The following THRB variants were observed in gnomAD, a reference collection of about 807,000 sequenced individuals.
THRB encodes nuclear receptor subfamily 1 group A member 2.
THRB carries 12 observed loss-of-function variants against 47.8 expected under a neutral mutation model. The ratio of observed to expected loss-of-function variants is 0.25; its 90% CI spans 0.16 to 0.41. THRB has a LOEUF of 0.41. Among genes scored for constraint, THRB ranks in the 10% least tolerant of loss-of-function variants. The probability of loss-of-function intolerance (pLI) is 1.00; values close to 1 mark genes in which losing one functional copy is unlikely to be tolerated. For synonymous variants in THRB, 218 were observed against 212.2 expected, an observed-to-expected ratio of 1.03 and a Z score of -0.24; for missense variants, 348 against 589.2, an observed-to-expected ratio of 0.59 and a Z score of 4.24.
chr3:24,203,945 A>G (rs2044943755), intron 4 of THRB, among the ~76,000 whole-genome samples: 1 of 152,254 alleles, frequency 6.6e-6, no homozygotes, highest in Non-Finnish European at 1.5e-5. Context: ...GCAAGGTGGC[A>G]GCAAGGCTGG....
At chr3:24,326,555 G>A (rs1023839636) in intron 2 of THRB, among the ~76,000 whole-genome samples, 7 of 151,974 alleles carry the variant, frequency 4.6e-5, no homozygotes, top group African/African-American at 1.7e-4. Flanking sequence ...TTTCTTAAGG[G>A]AATTGGCTGT....
At chr3:24,418,317 AC>A (rs1213472730) in intron 1 of THRB, among the ~76,000 whole-genome samples, 6 of 150,402 alleles carry the variant, frequency 4.0e-5, no homozygotes, top group Non-Finnish European at 3.0e-5. Context: ...TGACCATAAG[AC>A]TTTTAAAAGA....
chr3:24,464,795 A>T (rs1228815911), intron 1 of THRB, among the ~76,000 whole-genome samples: 8 of 152,144 alleles, frequency 5.3e-5, no homozygotes, highest in Admixed American at 5.2e-4. Flanking sequence ...ATTATTTCTA[A>T]ATTTGTAAAC....
intron 4 of THRB, among the ~76,000 whole-genome samples, chr3:24,228,292 A>C (rs1164207608): frequency 1.3e-5 from 2 of 152,186 alleles, no homozygotes; most frequent in Non-Finnish European, 2.9e-5. Context: ...CTCCAAGGTC[A>C]TTCTGCCTCT....
At chr3:24,280,929 G>C (rs1489775566) in intron 3 of THRB, among the ~76,000 whole-genome samples, 1 of 152,096 alleles carries the variant, frequency 6.6e-6, no homozygotes, top group Non-Finnish European at 1.5e-5. Context: ...AAGAAATATG[G>C]GACTATGTGA....
chr3:24,306,905 TA>T (rs2057379057), intron 2 of THRB, among the ~76,000 whole-genome samples: 1 of 152,174 alleles, frequency 6.6e-6, no homozygotes, highest in East Asian at 1.9e-4. Flanking sequence ...GCACACTATT[TA>T]TTAGGAGCCA....
intron 2 of THRB, among the ~76,000 whole-genome samples, chr3:24,310,085 T>C (rs978949966): frequency 2.3e-5 from 3 of 127,894 alleles, no homozygotes; most frequent in Non-Finnish European, 5.2e-5. Context: ...GGAAGCTCCA[T>C]GTCACAATTC....
At chr3:24,233,994 C>G (rs1189434600) in intron 3 of THRB, among the ~76,000 whole-genome samples, 1 of 152,186 alleles carries the variant, frequency 6.6e-6, no homozygotes, top group African/African-American at 2.4e-5. Context: ...TTAAGCCTCT[C>G]TTGAGATGAC....
At chr3:24,418,027 T>C (rs1262542142) in intron 1 of THRB, among the ~76,000 whole-genome samples, 3 of 151,900 alleles carry the variant, frequency 2.0e-5, no homozygotes, top group Non-Finnish European at 2.9e-5. Flanking sequence ...TTGGAGTACC[T>C]CTTCTAAGGC....
intron 5 of THRB, among the ~76,000 whole-genome samples, chr3:24,177,231 T>C (rs2041278271): frequency 6.6e-6 from 1 of 152,194 alleles, no homozygotes; most frequent in Admixed American, 6.5e-5. Context: ...ATCATTATTT[T>C]TGAAACAACG....
chr3:24,374,259 A>T (rs1485792196), intron 1 of THRB, among the ~76,000 whole-genome samples: 1 of 152,136 alleles, frequency 6.6e-6, no homozygotes, highest in African/African-American at 2.4e-5. Context: ...TTAAGTACTA[A>T]ATATTGTCAG....
At chr3:24,379,397 G>A (rs2065527962) in intron 1 of THRB, among the ~76,000 whole-genome samples, 1 of 152,112 alleles carries the variant, frequency 6.6e-6, no homozygotes, top group Admixed American at 6.6e-5. Context: ...ACAAAATCTT[G>A]AGACGAACAT....
At chr3:24,476,941 C>T (rs777005059) in intron 1 of THRB, among the ~76,000 whole-genome samples, 1 of 151,486 alleles carries the variant, frequency 6.6e-6, no homozygotes, top group Non-Finnish European at 1.5e-5. Context: ...TCATCAAATG[C>T]TTGCATTTGA....
chr3:24,256,447 T>C (rs545394356), intron 3 of THRB, among the ~76,000 whole-genome samples: 35 of 152,274 alleles, frequency 2.3e-4, no homozygotes, highest in African/African-American at 8.4e-4. Context: ...GTGAGTTCGT[T>C]GCAGGGAATA....
In THRB at chr3:24,404,134, T is replaced by G. The variant is rs78206624; in HGVS notation, c.-260-66763A>C. Among the ~76,000 whole-genome samples, 620 of 152,054 alleles carry G rather than the reference T, an allele frequency of 4.1e-3. 6 individuals carry two copies. Among genetic ancestry groups the G allele is most frequent in the East Asian group, 0.023 (116 of 5,136 alleles). Reference sequence around the variant, plus strand: ...GATGTAATAAATAGAATCCTGAATATTGTACTATATAATGAAATGTGTCTA... The same window carrying G: ...GATGTAATAAATAGAATCCTGAATAGTGTACTATATAATGAAATGTGTCTA... On this transcript the variant is annotated intron_variant, in intron 1 of 10. Transcript: ENST00000646209.
chr3:24,277,259 G>A (rs750067980), intron 3 of THRB, among the ~76,000 whole-genome samples: 2 of 152,180 alleles, frequency 1.3e-5, no homozygotes, highest in South Asian at 2.1e-4. Flanking sequence ...AGGAGCGGGT[G>A]CCACGGGCAT....
intron 3 of THRB, among the ~76,000 whole-genome samples, chr3:24,233,886 G>A (rs922983773): frequency 7.2e-5 from 11 of 152,310 alleles, no homozygotes; most frequent in South Asian, 2.1e-4. Context: ...TCCCTGCCCT[G>A]CCTGACGTCT....
In THRB at chr3:24,303,250, G is replaced by A. The variant is rs112071159; in HGVS notation, c.-188-5879C>T. ...AGGCCCTGTGCCATGAATCTTTGCT[G>A]TGAATCTTTGCAGTGCCCTCATATT... On this transcript the variant is annotated intron_variant, in intron 2 of 10. Coordinates refer to ENST00000646209, the MANE Select transcript of THRB (RefSeq NM_001354712.2). 8.9e-3 allele frequency among the ~76,000 whole-genome samples: 1,353 copies of A among 152,300 alleles called. 19 individuals are homozygous for A. The highest frequency in any genetic ancestry group is 0.031 in the African/African-American group (1,290 of 41,552).
rs116771697 is a variant in THRB, at chr3:24,370,589, A to G, written c.-260-33218T>C. Among the ~76,000 whole-genome samples the G allele has an allele frequency of 7.6e-3, 1,163 of 152,204 alleles. 17 individuals carry two copies. The highest frequency in any genetic ancestry group is 0.027 in the African/African-American group (1,108 of 41,562). On this transcript the variant is annotated intron_variant, in intron 1 of 10. Coordinates refer to ENST00000646209, the MANE Select transcript of THRB (RefSeq NM_001354712.2). ...GACTTCCTGGGAGGATCAATGCTCC[A>G]CTATTTCAGAACATTCTCTAGTAGT...
Sources: gnomAD v4.1 joint callset for allele counts (sites outside exome capture counted in the v4.1 genomes callset) on GRCh38, gnomAD v4.1.1 for gene constraint, MANE v1.5 for transcripts, NCBI Gene and HGNC (gene_info 2026-07-23, HGNC 2026-07-21) for gene names.